Variants in BRWD1 observed in about 807,000 individuals in gnomAD.
The protein encoded by BRWD1 is bromodomain and WD repeat-containing protein 1.
BRWD1 carries 82 observed loss-of-function variants against 251.2 expected under a neutral mutation model. The ratio of observed to expected loss-of-function variants is 0.33; its 90% confidence interval spans 0.27 to 0.39. BRWD1 has a LOEUF of 0.39. BRWD1 is among the 10% of genes least tolerant of loss of function. The pLI is 1.00. For missense variants in BRWD1, 2,233 were observed against 2,711.6 expected (o/e 0.82, Z 3.92); for synonymous variants, 918 against 902.8 (o/e 1.02, Z -0.30).
chr21:39,289,036 G>T (rs149057549), intron 8 of BRWD1, among the ~76,000 whole-genome samples: 47 of 152,292 alleles, frequency 3.1e-4, no homozygotes, highest in African/African-American at 1.0e-3. Flanking sequence ...TGTTGTCAGA[G>T]AATATACTTA....
Position 39,250,866 on chromosome 21 carries a change from T to C in BRWD1, c.2279A>G (p.Glu760Gly), listed in dbSNP as rs753738151. The C allele has an allele frequency of 7.5e-6, 12 of 1,598,490 alleles. No individual in the cohort carries two copies. The highest frequency in any genetic ancestry group is 3.4e-5 in the Admixed American group (2 of 58,048). ...AAGATTTCTTTCCTCTTCACCTTTCTCTAATCGGAAGTCTTCCAGCTTCCT... is the reference window on the plus strand; with the variant it reads ...AAGATTTCTTTCCTCTTCACCTTTCCCTAATCGGAAGTCTTCCAGCTTCCT... ...IFRKLEDFRL[E>G]KGEEERNLYI... The change falls in exon 20 of 41, where the codon GAG becomes GGG. Residue 760 changes from glutamate (E) to glycine (G), a missense_variant. Coordinates refer to ENST00000342449, the MANE Select transcript of BRWD1 (RefSeq NM_033656.4).
Position 39,187,605 on chromosome 21 carries a change from A to C in BRWD1, c.*8654T>G. The C allele has an allele frequency of 1.0e-6, 1 of 985,166 alleles. No homozygotes were observed. The allele number at this position is 985,166 out of a possible 1,614,324, so 61.0% of individuals were successfully genotyped here. ...GATATAACCTTACATTTGCTTATCT[A>C]CAACTATAAGGATGTCACTTAAAAC... On this transcript the variant is annotated 3_prime_UTR_variant, in exon 41 of 41. Coordinates refer to ENST00000342449, the MANE Select transcript of BRWD1 (RefSeq NM_033656.4).
In BRWD1 at chr21:39,190,948, C is replaced by A. The variant is rs2031519873; in HGVS notation, c.*5311G>T. ...TGGAACTACAACTAATCTAGCTCAT[C>A]ACAATACAGTTTTCTCTCACCCCTA... On this transcript the variant is annotated 3_prime_UTR_variant, in exon 41 of 41. Coordinates refer to ENST00000342449, the MANE Select transcript of BRWD1 (RefSeq NM_033656.4). 15 of 985,306 alleles carry A rather than the reference C, an allele frequency of 1.5e-5. No individual in the cohort carries two copies. The South Asian group carries it at 6.6e-4, about 43-fold the overall frequency. The allele number at this position is 985,306 out of a possible 1,614,324, so 61.0% of individuals were successfully genotyped here.
At position 39,200,888 on chromosome 21, in the gene BRWD1, GCAGAAGAATCACTTGAACC is replaced by G. The variant is rs537769196; in HGVS notation, c.4586-521_4586-503del. ...AATCCCAGCTACTGGGGAGGCTGAGGCAGAAGAATCACTTGAACCCAGGAGGGGAAGGTAGCAGTGAGCC... is the reference window on the plus strand; with the variant it reads ...AATCCCAGCTACTGGGGAGGCTGAGGCAGGAGGGGAAGGTAGCAGTGAGCC... On this transcript the variant is annotated intron_variant, in intron 38 of 40. Coordinates refer to ENST00000342449, the MANE Select transcript of BRWD1 (RefSeq NM_033656.4). 2.8e-4 allele frequency among the ~76,000 whole-genome samples: 42 copies of G among 152,254 alleles called. No individual in the cohort carries two copies. The South Asian group carries it at 8.7e-3, about 32-fold the overall frequency.
At chr21:39,274,534 A>G in intron 12 of BRWD1, 62 bp from the exon 13 acceptor site, 1 of 1,266,366 alleles carries the variant, frequency 7.9e-7, no homozygotes, top group South Asian at 1.2e-5. Flanking sequence ...GGCTACAATT[A>G]AAATCACATG....
At chr21:39,316,030 G>T (rs1277793485), upstream of BRWD1, among the ~76,000 whole-genome samples, 2 of 152,178 alleles carry the variant, frequency 1.3e-5, no homozygotes, top group Non-Finnish European at 2.9e-5. Flanking sequence ...CTTTGGAGAG[G>T]ATGGGACCAT....
chr21:39,189,008 C>G lies in BRWD1; in HGVS notation c.*7251G>C. 1.0e-6 allele frequency: 1 copy of G among 985,354 alleles called. No individual in the cohort carries two copies. The highest frequency in any genetic ancestry group is 1.2e-6 in the Non-Finnish European group (1 of 829,904). The allele number at this position is 985,354 out of a possible 1,614,324, so 61.0% of individuals were successfully genotyped here. ...AGTGGCTTAAAGTGCACTGTGTTTACCACTTCAAAGACACTTCTCTTGGGA... is the reference window on the plus strand; with the variant it reads ...AGTGGCTTAAAGTGCACTGTGTTTAGCACTTCAAAGACACTTCTCTTGGGA... On this transcript the variant is annotated 3_prime_UTR_variant, in exon 41 of 41. Transcript: ENST00000342449.
chr21:39,315,084 C>T (rs1356812601), upstream of BRWD1: 1 of 152,152 alleles, frequency 6.6e-6, no homozygotes, highest in Non-Finnish European at 1.5e-5. Context: ...GCAACCTCTG[C>T]CTCCCGGGTT....
chr21:39,223,497 C>A (rs1209492964), intron 29 of BRWD1, among the ~76,000 whole-genome samples: 1 of 151,998 alleles, frequency 6.6e-6, no homozygotes, highest in East Asian at 1.9e-4. Flanking sequence ...CAAAAAGTTT[C>A]GCAAAAGGGA....
At chr21:39,259,734 G>A (rs2034679590) in intron 17 of BRWD1, among the ~76,000 whole-genome samples, 1 of 152,156 alleles carries the variant, frequency 6.6e-6, no homozygotes, top group African/African-American at 2.4e-5. Context: ...CTACTCAGGA[G>A]GCTGAGTCTA....
chr21:39,211,958 C>T (rs771819226), intron 34 of BRWD1, among the ~76,000 whole-genome samples: 3 of 151,990 alleles, frequency 2.0e-5, no homozygotes, highest in Non-Finnish European at 2.9e-5. Flanking sequence ...CAAAGCCTGC[C>T]GATACTCCAT....
intron 21 of BRWD1, 97 bp from the exon 22 acceptor site, chr21:39,238,670 T>C: frequency 1.3e-6 from 1 of 770,520 alleles, no homozygotes; most frequent in South Asian, 1.6e-5. Context: ...TAAGATTAAA[T>C]CATCTAAGAA....
intron 9 of BRWD1, among the ~76,000 whole-genome samples, chr21:39,279,664 A>AAAG (rs1568945555): frequency 3.4e-5 from 3 of 87,778 alleles, no homozygotes; most frequent in South Asian, 3.2e-4. Flanking sequence ...AAAGAAAAAA[A>AAAG]AAAAGAAAAC....
chr21:39,305,911 G>A (rs1267522081), intron 4 of BRWD1, among the ~76,000 whole-genome samples: 4 of 150,116 alleles, frequency 2.7e-5, no homozygotes, highest in South Asian at 2.1e-4. Context: ...GCGCCCTCCT[G>A]TAGTCCCAGC....
intron 13 of BRWD1, 67 bp downstream of exon 13, chr21:39,274,306 AG>A: frequency 7.3e-5 from 11 of 149,692 alleles, no homozygotes; most frequent in Middle Eastern, 2.0e-3. Context: ...ACAGAGAGCG[AG>A]AGAGAGAGAG....
In BRWD1 at chr21:39,190,860, C is replaced by T. The variant is rs2031515347; in HGVS notation, c.*5399G>A. On this transcript the variant is annotated 3_prime_UTR_variant, in exon 41 of 41. Coordinates refer to ENST00000342449, the MANE Select transcript of BRWD1 (RefSeq NM_033656.4). ...CCATGAACTAGTTCATTAGCTTATT[C>T]ATTTTTAGGGTTCATTTACTCAATG... 1.0e-6 allele frequency: 1 copy of T among 985,140 alleles called. No homozygotes were observed. The highest frequency in any genetic ancestry group is 1.2e-6 in the Non-Finnish European group (1 of 829,886). The allele number at this position is 985,140 out of a possible 1,614,324, so 61.0% of individuals were successfully genotyped here.
At position 39,186,147 on chromosome 21, in the gene BRWD1, ACT is replaced by A. The variant is rs1366016069; in HGVS notation, c.*10110_*10111del. The A allele has an allele frequency of 6.6e-6, 1 of 152,164 alleles. No individual in the cohort carries two copies. The highest frequency in any genetic ancestry group is 6.5e-5 in the Admixed American group (1 of 15,290). The allele number at this position is 152,164 out of a possible 1,614,324, so 9.4% of individuals were successfully genotyped here. A position where few individuals can be genotyped will look rare whatever the true frequency, so the allele number is the denominator to read the frequency against. On this transcript the variant is annotated 3_prime_UTR_variant, in exon 41 of 41. Coordinates refer to ENST00000342449, the MANE Select transcript of BRWD1 (RefSeq NM_033656.4). ...AGATTTCACTGTATCTAAAAATATG[ACT>A]GTTTTGATCTTAAGCTATACATTTT...
intron 28 of BRWD1, 107 bp downstream of exon 28, chr21:39,224,979 T>G: frequency 3.6e-6 from 3 of 837,588 alleles, no homozygotes; most frequent in Non-Finnish European, 5.8e-6. Context: ...CATGACTTAA[T>G]GACAGATAAA....
chr21:39,277,235 A>G lies in BRWD1; in HGVS notation c.1104+16T>C. 3 of 1,572,464 alleles carry G rather than the reference A, an allele frequency of 1.9e-6. No homozygotes were observed. The highest frequency in any genetic ancestry group is 2.6e-6 in the Non-Finnish European group (3 of 1,147,380). On this transcript the variant is annotated intron_variant, in intron 11 of 40. Transcript: ENST00000342449. The stretch of plus-strand genomic sequence containing the variant: ...TTAACAATTAATCTAAAGGATTTTA[A>G]AACGTGGATGCTTACAGTGTGGCTT...
Sources: gnomAD v4.1 joint callset for allele counts (sites outside exome capture counted in the v4.1 genomes callset) on GRCh38, gnomAD v4.1.1 for gene constraint, MANE v1.5 for transcripts, NCBI Gene and HGNC (gene_info 2026-07-23, HGNC 2026-07-21) for gene names.